The following SND1 variants were observed in gnomAD, a reference collection of about 807,000 sequenced individuals.
The protein encoded by SND1 is staphylococcal nuclease domain-containing protein 1.
Under a neutral mutation model 121.7 loss-of-function variants are expected in SND1, and 38 were observed. The ratio of observed to expected loss-of-function variants is 0.31; its 90% CI spans 0.24 to 0.41. SND1 has a LOEUF of 0.41. SND1 is among the 10% of genes least tolerant of loss of function. The pLI, the probability that SND1 is intolerant of heterozygous loss-of-function variation, is 1.00. For missense variants in SND1, 868 were observed against 1,184.6 expected, an observed-to-expected ratio of 0.73 and a Z score of 3.92; for synonymous variants, 401 against 447.4, an observed-to-expected ratio of 0.90 and a Z score of 1.31.
chr7:127,739,612 G>A (rs533514276), intron 10 of SND1, among the ~76,000 whole-genome samples: 5 of 152,206 alleles, frequency 3.3e-5, no homozygotes, highest in South Asian at 2.1e-4. Context: ...AGGGGAGAGT[G>A]TAACTCATTT....
chr7:127,801,364 C>G (rs1798124715), intron 10 of SND1, among the ~76,000 whole-genome samples: 1 of 152,162 alleles, frequency 6.6e-6, no homozygotes, highest in Admixed American at 6.5e-5. Flanking sequence ...CCTTGGACTT[C>G]TTCAGTGAAG....
chr7:127,865,746 A>T (rs925793118), intron 12 of SND1, among the ~76,000 whole-genome samples: 1 of 151,424 alleles, frequency 6.6e-6, no homozygotes, highest in African/African-American at 2.4e-5. Flanking sequence ...AGCTGAGACT[A>T]CAGGCATGCC....
At chr7:127,735,192 C>T (rs1389986519) in intron 10 of SND1, among the ~76,000 whole-genome samples, 1 of 152,136 alleles carries the variant, frequency 6.6e-6, no homozygotes, top group Non-Finnish European at 1.5e-5. Context: ...GAATTGCCTC[C>T]AAAAGTGCCA....
At chr7:128,088,515 C>G (rs938706149) in intron 21 of SND1, among the ~76,000 whole-genome samples, 10 of 140,520 alleles carry the variant, frequency 7.1e-5, no homozygotes, top group Admixed American at 3.1e-4. Context: ...TGCAGTGGCA[C>G]AATCTCGGCT....
chr7:128,085,113 G>A lies in SND1; in HGVS notation c.2234+266G>A, dbSNP rs1793667137. 6.6e-6 allele frequency among the ~76,000 whole-genome samples: 1 copy of A among 152,124 alleles called. No homozygotes were observed. ...GGGTGGGAGCCCTTGCTGGCTGGCTGGCTGGCCGGCCGGCCAGGCTGTCCA... is the reference window on the plus strand; with the variant it reads ...GGGTGGGAGCCCTTGCTGGCTGGCTAGCTGGCCGGCCGGCCAGGCTGTCCA... On this transcript the variant is annotated intron_variant, in intron 19 of 23. Transcript: ENST00000354725. The surrounding 1 kb of genome is among the most constrained non-coding windows in gnomAD (Gnocchi z 4.4).
chr7:127,810,815 G>GT (rs1176329920), intron 11 of SND1, among the ~76,000 whole-genome samples: 5 of 152,164 alleles, frequency 3.3e-5, no homozygotes. Context: ...ATGTGATACA[G>GT]TTTTTTAAAA....
At chr7:127,926,720 T>G (rs9649513) in intron 14 of SND1, among the ~76,000 whole-genome samples, 35,760 of 142,998 alleles carry the variant, frequency 0.25, 5,852 homozygotes, top group East Asian at 0.56. Context: ...ACCCGGCTAT[T>G]TTGTTGTTGT....
At chr7:127,765,245 C>T (rs1797390529) in intron 10 of SND1, among the ~76,000 whole-genome samples, 1 of 152,168 alleles carries the variant, frequency 6.6e-6, no homozygotes, top group Admixed American at 6.5e-5. Flanking sequence ...TGCCCAGAAT[C>T]TTGCAGATTT....
intron 15 of SND1, among the ~76,000 whole-genome samples, chr7:127,931,611 G>C (rs966392593): frequency 6.6e-6 from 1 of 152,148 alleles, no homozygotes; most frequent in Non-Finnish European, 1.5e-5. Context: ...TCTACTGGAA[G>C]AAGATGCCAT....
intron 11 of SND1, among the ~76,000 whole-genome samples, chr7:127,830,200 A>G (rs1798713269): frequency 6.6e-6 from 1 of 152,024 alleles, no homozygotes; most frequent in Non-Finnish European, 1.5e-5. Flanking sequence ...CTGACCAACA[A>G]GGTGAAACCC....
intron 11 of SND1, among the ~76,000 whole-genome samples, chr7:127,825,109 C>T (rs551679741): frequency 3.3e-5 from 5 of 152,138 alleles, no homozygotes; most frequent in African/African-American, 9.6e-5. Context: ...TACCTTAAAA[C>T]ATATATTTTT....
chr7:127,956,653 C>A (rs1008883470), intron 15 of SND1, among the ~76,000 whole-genome samples: 1 of 152,128 alleles, frequency 6.6e-6, no homozygotes, highest in Non-Finnish European at 1.5e-5. Flanking sequence ...CTGCTGAGTT[C>A]TAAGAACAGG....
chr7:127,889,080 G>A (rs184685994), intron 13 of SND1, among the ~76,000 whole-genome samples: 17 of 152,226 alleles, frequency 1.1e-4, no homozygotes, highest in East Asian at 3.9e-4. Flanking sequence ...TCAGGCTGCT[G>A]TGGCTTTTGG....
At chr7:127,866,077 G>A (rs1799469386) in intron 12 of SND1, among the ~76,000 whole-genome samples, 1 of 152,114 alleles carries the variant, frequency 6.6e-6, no homozygotes, top group Non-Finnish European at 1.5e-5. Flanking sequence ...TACAACCTAA[G>A]CAGTGGGCTA....
intron 16 of SND1, among the ~76,000 whole-genome samples, chr7:128,037,943 C>G (rs1467059745): frequency 6.6e-6 from 1 of 152,224 alleles, no homozygotes; most frequent in Non-Finnish European, 1.5e-5. Context: ...AAAAGTACCT[C>G]CTGGCATTGC....
intron 10 of SND1, among the ~76,000 whole-genome samples, chr7:127,769,156 C>T (rs2116493772): frequency 6.6e-6 from 1 of 152,104 alleles, no homozygotes; most frequent in East Asian, 1.9e-4. Flanking sequence ...CTTGATACTG[C>T]TGGTAAAAAT....
intron 16 of SND1, among the ~76,000 whole-genome samples, chr7:128,012,994 G>T (rs1411000239): frequency 1.3e-5 from 2 of 152,072 alleles, no homozygotes; most frequent in Non-Finnish European, 2.9e-5. Context: ...GCCAGTGCCT[G>T]CCAGTGCACA....
At chr7:127,739,212 T>C (rs1796832743) in intron 10 of SND1, among the ~76,000 whole-genome samples, 1 of 152,220 alleles carries the variant, frequency 6.6e-6, no homozygotes, top group East Asian at 1.9e-4. Flanking sequence ...AATTAGTATC[T>C]TGGTCATTTG....
At chr7:127,934,576 A>T (rs1801018122) in intron 15 of SND1, among the ~76,000 whole-genome samples, 1 of 152,132 alleles carries the variant, frequency 6.6e-6, no homozygotes, top group Non-Finnish European at 1.5e-5. Context: ...TAGACTTGAA[A>T]TTCGGGGAAT....
Sources: allele counts gnomAD v4.1 joint callset (sites outside exome capture counted in the v4.1 genomes callset), GRCh38; gene constraint gnomAD v4.1.1; non-coding constraint Gnocchi (gnomAD v3.1); transcripts MANE v1.5; gene names NCBI Gene and HGNC (gene_info 2026-07-23, HGNC 2026-07-21).